Variants in PDE10A observed in about 807,000 individuals in gnomAD.
The protein encoded by PDE10A is cAMP and cAMP-inhibited cGMP 3',5'-cyclic phosphodiesterase 10A.
In PDE10A, 39 loss-of-function variants were observed where a neutral mutation model predicts 97.7. The ratio of observed to expected loss-of-function variants is 0.40; its 90% CI spans 0.31 to 0.52. The LOEUF is 0.52. Ranked by LOEUF, PDE10A falls within the 20% of genes least tolerant of loss-of-function variation. The pLI is 0.56. For missense variants in PDE10A, 731 were observed against 1,047.8 expected (o/e 0.70, Z 4.17); for synonymous variants, 371 against 376.8 (o/e 0.98, Z 0.18).
intron 1 of PDE10A, among the ~76,000 whole-genome samples, chr6:165,922,373 TC>T (rs1391210889): frequency 6.6e-6 from 1 of 152,082 alleles, no homozygotes; most frequent in East Asian, 1.9e-4. Context: ...TGCTGTCCGC[TC>T]CTCTTACACA....
chr6:165,952,317 T>C (rs1299415520), intron 1 of PDE10A, among the ~76,000 whole-genome samples: 2 of 152,252 alleles, frequency 1.3e-5, no homozygotes, highest in Non-Finnish European at 2.9e-5. Context: ...AGCATAACTA[T>C]ACAGCTCCTA....
chr6:165,355,733 G>A (rs1782980095), intron 18 of PDE10A, among the ~76,000 whole-genome samples: 2 of 152,036 alleles, frequency 1.3e-5, no homozygotes, highest in African/African-American at 2.4e-5. Flanking sequence ...TGAACTGCTA[G>A]AACACAGTAT....
At chr6:165,912,157 AACTCT>A (rs1782480514) in intron 1 of PDE10A, among the ~76,000 whole-genome samples, 1 of 151,698 alleles carries the variant, frequency 6.6e-6, no homozygotes, top group African/African-American at 2.4e-5. Context: ...CTAACTATCT[AACTCT>A]CTCTCTCTAT....
intron 15 of PDE10A, among the ~76,000 whole-genome samples, chr6:165,394,897 C>A (rs13207328): frequency 0.3 from 45,083 of 151,778 alleles, 7,449 homozygotes; most frequent in Middle Eastern, 0.38. Flanking sequence ...TTTCAGTTAC[C>A]CAGCTGAAAG....
intron 1 of PDE10A, among the ~76,000 whole-genome samples, chr6:165,805,932 C>A (rs796656303): frequency 9.3e-5 from 14 of 151,096 alleles, no homozygotes; most frequent in African/African-American, 3.4e-4. Flanking sequence ...AGGAAGAATC[C>A]TCTTGTGTAT....
In PDE10A at chr6:165,585,797, T is replaced by C. The variant is rs576551967; in HGVS notation, c.866-42229A>G. Among the ~76,000 whole-genome samples, 3 of 152,258 alleles carry C rather than the reference T, an allele frequency of 2.0e-5. 1 individual carries two copies. In the South Asian group the frequency reaches 6.2e-4, roughly 32 times the overall value. On this transcript the variant is annotated intron_variant, in intron 1 of 21. Transcript: ENST00000539869. Reference sequence around the variant, plus strand: ...AATATAGGTGCTTAACAATAAAACATAGTAAGAAAAGAAATTTTATCTGAG... The same window carrying C: ...AATATAGGTGCTTAACAATAAAACACAGTAAGAAAAGAAATTTTATCTGAG...
intron 1 of PDE10A, among the ~76,000 whole-genome samples, chr6:165,806,317 C>T (rs76052035): frequency 5.1e-4 from 78 of 152,262 alleles, no homozygotes; most frequent in Non-Finnish European, 9.1e-4. Flanking sequence ...TCATGTGGCA[C>T]GTTTGTCCAA....
At chr6:165,353,246 A>T (rs1358384394) in intron 18 of PDE10A, among the ~76,000 whole-genome samples, 1 of 152,224 alleles carries the variant, frequency 6.6e-6, no homozygotes, top group Non-Finnish European at 1.5e-5. Flanking sequence ...GAATGCAAAA[A>T]GGTACAGCCA....
intron 1 of PDE10A, among the ~76,000 whole-genome samples, chr6:165,829,281 C>T (rs1779843897): frequency 6.6e-6 from 1 of 152,234 alleles, no homozygotes; most frequent in Non-Finnish European, 1.5e-5. Flanking sequence ...TTCAGATGCC[C>T]AGTGCTGAGT....
At chr6:165,751,556 G>A (rs1793001728) in intron 1 of PDE10A, among the ~76,000 whole-genome samples, 2 of 152,144 alleles carry the variant, frequency 1.3e-5, no homozygotes, top group African/African-American at 2.4e-5. Flanking sequence ...GCAACCAGGT[G>A]GAGGTAGGAG....
chr6:165,788,375 G>A (rs1778551178), intron 1 of PDE10A, among the ~76,000 whole-genome samples: 2 of 151,578 alleles, frequency 1.3e-5, no homozygotes, highest in Admixed American at 1.3e-4. Context: ...AAATTAGCTG[G>A]GCATGGTGGT....
chr6:165,516,828 C>G (rs1781837463), intron 2 of PDE10A, among the ~76,000 whole-genome samples: 1 of 152,080 alleles, frequency 6.6e-6, no homozygotes, highest in South Asian at 2.1e-4. Flanking sequence ...CAAACGGCAA[C>G]AGGGCCACAT....
intron 1 of PDE10A, among the ~76,000 whole-genome samples, chr6:165,816,386 C>T (rs1031864089): frequency 5.9e-5 from 9 of 152,180 alleles, no homozygotes; most frequent in African/African-American, 2.2e-4. Context: ...GTAAGGGATT[C>T]TATTTAAAGG....
At chr6:165,967,796 T>A (rs1784555089) in intron 1 of PDE10A, among the ~76,000 whole-genome samples, 1 of 152,178 alleles carries the variant, frequency 6.6e-6, no homozygotes, top group African/African-American at 2.4e-5. Flanking sequence ...TCAACTTTCA[T>A]GAATTTATAC....
chr6:165,328,461 C>A lies in PDE10A; in HGVS notation c.*4564G>T, dbSNP rs991135050. 6.6e-6 allele frequency: 1 copy of A among 152,212 alleles called. No individual in the cohort carries two copies. The highest frequency in any genetic ancestry group is 1.5e-5 in the Non-Finnish European group (1 of 68,040). 9.4% of individuals were successfully genotyped at this position (152,212 alleles called of 1,614,324 possible). A position where few individuals can be genotyped will look rare whatever the true frequency, so the allele number is the denominator to read the frequency against. ...TAAACTGACTTCCCTACTTAGTAAG[C>A]CCTGGATTCAGCTGTAAGTTTCCAC... is the stretch of plus-strand genomic sequence containing the variant. On this transcript the variant is annotated 3_prime_UTR_variant, in exon 22 of 22. Coordinates refer to ENST00000539869, the MANE Select transcript of PDE10A (RefSeq NM_001385079.1).
intron 1 of PDE10A, among the ~76,000 whole-genome samples, chr6:165,868,485 C>A (rs75880275): frequency 0.024 from 3,610 of 151,812 alleles, 133 homozygotes; most frequent in African/African-American, 0.084. Flanking sequence ...CCTAAACAGA[C>A]CAGTAAAAAG....
At chr6:165,772,766 AG>A (rs1409758139) in intron 1 of PDE10A, among the ~76,000 whole-genome samples, 1 of 152,182 alleles carries the variant, frequency 6.6e-6, no homozygotes, top group African/African-American at 2.4e-5. Context: ...TGGGGGAGCA[AG>A]GAAGAGACAG....
intron 1 of PDE10A, chr6:165,987,402 T>C: frequency 3.2e-6 from 1 of 314,320 alleles, no homozygotes; most frequent in Non-Finnish European, 6.2e-6. Flanking sequence ...GTTTTCTTAT[T>C]GCCAAAAAGG....
chr6:165,804,605 G>A (rs1779066605), intron 1 of PDE10A, among the ~76,000 whole-genome samples: 1 of 152,130 alleles, frequency 6.6e-6, no homozygotes, highest in African/African-American at 2.4e-5. Context: ...AAGGAGCGCC[G>A]GAGTTTGGAA....
Sources: gnomAD v4.1 joint callset for allele counts (sites outside exome capture counted in the v4.1 genomes callset) on GRCh38, gnomAD v4.1.1 for gene constraint, MANE v1.5 for transcripts, NCBI Gene and HGNC (gene_info 2026-07-23, HGNC 2026-07-21) for gene names.